Variants in CLVS1 observed in about 807,000 individuals in gnomAD.
The protein encoded by CLVS1 is clavesin-1.
A neutral mutation model predicts 33.1 loss-of-function variants in CLVS1; 10 were observed. That is an observed-to-expected ratio of 0.30 (90% CI 0.19 to 0.51). The LOEUF (loss-of-function observed/expected upper bound fraction) is 0.51, where lower values mean the gene tolerates loss of function less well. Among genes scored for constraint, CLVS1 ranks in the 20% least tolerant of loss-of-function variants. The pLI is 0.97. For synonymous variants in CLVS1, 163 were observed against 166.1 expected, an observed-to-expected ratio of 0.98 and a Z score of 0.14; for missense variants, 343 against 433.4, an observed-to-expected ratio of 0.79 and a Z score of 1.85.
At chr8:61,427,579 T>C (rs1563548791) in intron 3 of CLVS1, among the ~76,000 whole-genome samples, 1 of 152,218 alleles carries the variant, frequency 6.6e-6, no homozygotes, top group Non-Finnish European at 1.5e-5. Flanking sequence ...GGGGAGACTC[T>C]GCCAGGGCTG....
chr8:61,332,189 G>T (rs1192447157), intron 2 of CLVS1, among the ~76,000 whole-genome samples: 3 of 152,226 alleles, frequency 2.0e-5, no homozygotes, highest in African/African-American at 7.2e-5. Flanking sequence ...TGGTTTCTCA[G>T]TTTGGGATGT....
At chr8:61,220,968 T>C (rs1201756309) in intron 2 of CLVS1, among the ~76,000 whole-genome samples, 2 of 152,208 alleles carry the variant, frequency 1.3e-5, no homozygotes, top group African/African-American at 4.8e-5. Context: ...AATTCGTTCA[T>C]GATTTAGCTC....
At chr8:61,166,661 T>C (rs1313443258) in intron 2 of CLVS1, among the ~76,000 whole-genome samples, 1 of 152,102 alleles carries the variant, frequency 6.6e-6, no homozygotes, top group Non-Finnish European at 1.5e-5. Context: ...TAACCACTTG[T>C]ATTATTTCTC....
chr8:61,325,139 G>A (rs1199995090), intron 2 of CLVS1, among the ~76,000 whole-genome samples: 1 of 151,780 alleles, frequency 6.6e-6, no homozygotes, highest in African/African-American at 2.4e-5. Flanking sequence ...CTGTCCTCTG[G>A]GCTCCTGGTT....
At chr8:61,499,201 G>A (rs1160788110) in intron 5 of CLVS1, among the ~76,000 whole-genome samples, 1 of 151,380 alleles carries the variant, frequency 6.6e-6, no homozygotes, top group African/African-American at 2.4e-5. Context: ...TTTGGAGACA[G>A]GGTCTACCTC....
At chr8:61,008,744 C>CA in the CLVS1 span, among the ~76,000 whole-genome samples, 1 of 152,134 alleles carries the variant, frequency 6.6e-6, no homozygotes, top group African/African-American at 2.4e-5. Context: ...AGTTACCCTG[C>CA]AAAAATGCTG....
At chr8:60,971,071 C>CTTTTTTTT in the CLVS1 span, among the ~76,000 whole-genome samples, 13 of 91,054 alleles carry the variant, frequency 1.4e-4, no homozygotes, top group South Asian at 4.7e-4. Flanking sequence ...ATGACTTTTC[C>CTTTTTTTT]TTTTTTTTTT....
upstream of CLVS1, among the ~76,000 whole-genome samples, chr8:61,287,460 T>A (rs1188603717): frequency 1.3e-5 from 2 of 152,252 alleles, no homozygotes; most frequent in African/African-American, 4.8e-5. Flanking sequence ...GGAGTGTTTT[T>A]ATGCACTCAA....
At chr8:61,090,346 T>A (rs1171211934) in intron 1 of CLVS1, among the ~76,000 whole-genome samples, 1 of 152,200 alleles carries the variant, frequency 6.6e-6, no homozygotes, top group African/African-American at 2.4e-5. Context: ...GTCCACGCTG[T>A]CTGTGTCAGG....
chr8:61,479,895 G>A (rs1228329139), intron 5 of CLVS1, among the ~76,000 whole-genome samples: 1 of 152,180 alleles, frequency 6.6e-6, no homozygotes, highest in Non-Finnish European at 1.5e-5. Context: ...CTGCAGAACA[G>A]CGGATATTGG....
chr8:61,011,974 C>T, the CLVS1 span, among the ~76,000 whole-genome samples: 3 of 152,228 alleles, frequency 2.0e-5, no homozygotes, highest in South Asian at 6.2e-4. Flanking sequence ...CACGCCCATG[C>T]AGGGGCTCAG....
chr8:61,218,016 T>C (rs1430316241), intron 2 of CLVS1, among the ~76,000 whole-genome samples: 1 of 152,088 alleles, frequency 6.6e-6, no homozygotes, highest in East Asian at 1.9e-4. Flanking sequence ...ATGCTGGTGA[T>C]GATATGGAGA....
At chr8:61,197,806 C>T (rs960097772) in intron 2 of CLVS1, among the ~76,000 whole-genome samples, 20 of 152,192 alleles carry the variant, frequency 1.3e-4, no homozygotes, top group African/African-American at 4.1e-4. Context: ...AGGCATAAGC[C>T]ACAGTTTCAT....
chr8:61,466,830 G>A (rs936365900), intron 5 of CLVS1, among the ~76,000 whole-genome samples: 21 of 152,076 alleles, frequency 1.4e-4, no homozygotes, highest in African/African-American at 4.3e-4. Context: ...TGTATTTTTA[G>A]TAGAGATGGG....
intron 2 of CLVS1, among the ~76,000 whole-genome samples, chr8:61,318,800 G>T (rs1324732525): frequency 6.6e-6 from 1 of 151,976 alleles, no homozygotes; most frequent in Non-Finnish European, 1.5e-5. Context: ...AGAGATGATG[G>T]GGGTCTTGTT....
chr8:61,059,259 G>T (rs1323362257), intron 1 of CLVS1, among the ~76,000 whole-genome samples: 2 of 151,804 alleles, frequency 1.3e-5, no homozygotes, highest in Admixed American at 1.3e-4. Flanking sequence ...TGTTGTAGTA[G>T]CTTGCATTTC....
intron 2 of CLVS1, among the ~76,000 whole-genome samples, chr8:61,208,973 A>T (rs1015360996): frequency 6.6e-5 from 10 of 152,198 alleles, no homozygotes; most frequent in African/African-American, 2.4e-4. Flanking sequence ...CCCATTAAAA[A>T]TAGTGTAAAA....
At chr8:61,261,316 A>G (rs16927117) in intron 2 of CLVS1, among the ~76,000 whole-genome samples, 21,641 of 152,206 alleles carry the variant, frequency 0.14, 3,168 homozygotes, top group African/African-American at 0.38. Context: ...ATTATTTTAT[A>G]ATCTCAAATG....
intron 1 of CLVS1, among the ~76,000 whole-genome samples, chr8:61,125,802 G>A (rs1292626075): frequency 6.6e-6 from 1 of 152,092 alleles, no homozygotes; most frequent in African/African-American, 2.4e-5. Context: ...TTAATAGGAC[G>A]GCATAGCTAT....
Sources: allele counts gnomAD v4.1 joint callset (sites outside exome capture counted in the v4.1 genomes callset), GRCh38; gene constraint gnomAD v4.1.1; transcripts MANE v1.5; gene names NCBI Gene and HGNC (gene_info 2026-07-23, HGNC 2026-07-21).